DEPDC5: variants seen among roughly 807,000 people sequenced by gnomAD.
The protein encoded by DEPDC5 is DEP domain containing 5, GATOR1 subcomplex subunit, also known as GATOR1 complex protein DEPDC5.
In DEPDC5, 73 loss-of-function variants were observed where a neutral mutation model predicts 217.3. That is an observed-to-expected ratio of 0.34 (90% CI 0.28 to 0.41). The LOEUF (loss-of-function observed/expected upper bound fraction) is 0.41. Among genes scored for constraint, DEPDC5 ranks in the 10% least tolerant of loss-of-function variants. DEPDC5 has a pLI of 1.00. For synonymous variants in DEPDC5, 733 were observed against 756.7 expected (o/e 0.97, Z 0.51); for missense variants, 1,675 against 2,070.1 (o/e 0.81, Z 3.70).
In DEPDC5 at chr22:31,881,593, A is replaced by T. The variant is rs574833689; in HGVS notation, c.4033+1841A>T. Reference sequence around the variant, plus strand: ...AGAGCACTACCAGGGCTTGAGACCTAAGGCCTTTGAATAGCAAGCAGCAAC... The same window carrying T: ...AGAGCACTACCAGGGCTTGAGACCTTAGGCCTTTGAATAGCAAGCAGCAAC... On this transcript the variant is annotated intron_variant, in intron 38 of 42. Transcript: ENST00000651528. Among the ~76,000 whole-genome samples, 9 of 152,138 alleles carry T rather than the reference A, an allele frequency of 5.9e-5. No homozygotes were observed. In the South Asian group the frequency reaches 1.9e-3, roughly 32 times the overall value.
chr22:31,781,862 C>A (rs2148379083), intron 8 of DEPDC5, among the ~76,000 whole-genome samples: 1 of 152,056 alleles, frequency 6.6e-6, no homozygotes, highest in South Asian at 2.1e-4. Context: ...GAGGGAGACC[C>A]CATCTCTAAA....
intron 18 of DEPDC5, among the ~76,000 whole-genome samples, chr22:31,808,020 C>G (rs776490230): frequency 1.3e-5 from 2 of 152,134 alleles, no homozygotes; most frequent in African/African-American, 4.8e-5. Context: ...AGATGGGATT[C>G]TGTATAGAAA....
At chr22:31,885,750 G>T (rs557987982) in intron 38 of DEPDC5, among the ~76,000 whole-genome samples, 2 of 133,656 alleles carry the variant, frequency 1.5e-5, no homozygotes, top group East Asian at 4.6e-4. Context: ...AAAGAGACAG[G>T]GTTGGCCAGG....
chr22:31,802,912 T>C, intron 15 of DEPDC5, 74 bp downstream of exon 15: 1 of 1,467,108 alleles, frequency 6.8e-7, no homozygotes, highest in Non-Finnish European at 9.1e-7. Context: ...TGAGCTTCAC[T>C]GACTTCTTAG....
At chr22:31,877,066 C>A (rs945309067) in intron 37 of DEPDC5, among the ~76,000 whole-genome samples, 1 of 151,636 alleles carries the variant, frequency 6.6e-6, no homozygotes, top group Non-Finnish European at 1.5e-5. Flanking sequence ...TCGCTTGAAT[C>A]CGGGAGGCGG....
intron 36 of DEPDC5, chr22:31,875,230 C>T (rs1292738084): frequency 3.0e-5 from 5 of 166,966 alleles, no homozygotes; most frequent in South Asian, 4.1e-4. Flanking sequence ...CAGCCTTTGC[C>T]GTATACACTC....
rs2082107360 is a variant in DEPDC5 at position 31,758,364 on chromosome 22, G to GC, written c.59-181dup. Among the ~76,000 whole-genome samples the GC allele has an allele frequency of 3.3e-5, 5 of 152,292 alleles. No homozygotes were observed. In the South Asian group the frequency reaches 1.0e-3, roughly 32 times the overall value. Reference sequence around the variant, plus strand: ...TACCTGAGCGCCATCCCACTCTGCTGCTGTGTAGCTTGGTGTTCCTGTGTG... The same window carrying GC: ...TACCTGAGCGCCATCCCACTCTGCTGCCTGTGTAGCTTGGTGTTCCTGTGTG... On this transcript the variant is annotated intron_variant, in intron 2 of 42. Transcript: ENST00000651528.
intron 22 of DEPDC5, among the ~76,000 whole-genome samples, chr22:31,820,955 C>T (rs2089638089): frequency 6.6e-6 from 1 of 152,190 alleles, no homozygotes; most frequent in African/African-American, 2.4e-5. Context: ...TTTCATCTAC[C>T]CAGATGCCCT....
At chr22:31,871,344 C>G (rs1034437014) in intron 34 of DEPDC5, among the ~76,000 whole-genome samples, 1 of 152,236 alleles carries the variant, frequency 6.6e-6, no homozygotes, top group African/African-American at 2.4e-5. Context: ...GCAAAATCAT[C>G]TAAGAGACTT....
chr22:31,847,208 A>G (rs2091785901), intron 31 of DEPDC5, among the ~76,000 whole-genome samples: 1 of 152,224 alleles, frequency 6.6e-6, no homozygotes, highest in African/African-American at 2.4e-5. Flanking sequence ...AATTTAGCCC[A>G]CAAAGTATTT....
At chr22:31,838,178 A>G (rs1168272127) in intron 26 of DEPDC5, among the ~76,000 whole-genome samples, 1 of 152,124 alleles carries the variant, frequency 6.6e-6, no homozygotes, top group African/African-American at 2.4e-5. Context: ...CTTTTCTAAA[A>G]TTACTCATTT....
At chr22:31,904,699 G>A (rs2093725889) in intron 41 of DEPDC5, among the ~76,000 whole-genome samples, 2 of 152,176 alleles carry the variant, frequency 1.3e-5, no homozygotes, top group South Asian at 4.1e-4. Context: ...AGCCAAGATT[G>A]TACCACTGCA....
chr22:31,845,338 C>A, intron 30 of DEPDC5, 101 bp downstream of exon 30: 2 of 1,404,634 alleles, frequency 1.4e-6, no homozygotes, highest in Non-Finnish European at 1.9e-6. Flanking sequence ...TTATTTACTC[C>A]TCAGCTGCCC....
chr22:31,891,905 T>G (rs965146290), intron 38 of DEPDC5, among the ~76,000 whole-genome samples: 5 of 152,160 alleles, frequency 3.3e-5, no homozygotes, highest in Admixed American at 2.6e-4. Context: ...GATTGACACG[T>G]CTCTGAAACA....
chr22:31,893,788 C>A, intron 39 of DEPDC5, 37 bp downstream of exon 39: 1 of 1,526,088 alleles, frequency 6.6e-7, no homozygotes, highest in Non-Finnish European at 8.8e-7. Flanking sequence ...GCCTTTGGCT[C>A]ACCTCACAGT....
intron 24 of DEPDC5, among the ~76,000 whole-genome samples, chr22:31,827,370 C>T (rs2090236597): frequency 6.6e-6 from 1 of 152,106 alleles, no homozygotes. Context: ...TTTGTTATAA[C>T]CATATGCAAA....
At chr22:31,823,845 T>C (rs1238225759) in intron 24 of DEPDC5, among the ~76,000 whole-genome samples, 1 of 152,204 alleles carries the variant, frequency 6.6e-6, no homozygotes, top group Non-Finnish European at 1.5e-5. Context: ...TGACTCAGGC[T>C]GCTGTCCTCT....
chr22:31,769,797 C>G (rs573501774), intron 7 of DEPDC5: 1 of 152,112 alleles, frequency 6.6e-6, no homozygotes, highest in South Asian at 2.1e-4. Context: ...TGACACACGC[C>G]TGTAGTCCAG....
intron 24 of DEPDC5, among the ~76,000 whole-genome samples, chr22:31,828,507 A>G (rs1464273046): frequency 6.6e-6 from 1 of 151,890 alleles, no homozygotes; most frequent in East Asian, 1.9e-4. Context: ...AGTTGAATGA[A>G]TGCTAAAAAT....
Sources: allele counts gnomAD v4.1 joint callset (sites outside exome capture counted in the v4.1 genomes callset), GRCh38; gene constraint gnomAD v4.1.1; transcripts MANE v1.5; gene names NCBI Gene and HGNC (gene_info 2026-07-23, HGNC 2026-07-21).